Variants in ACTR1B observed in about 807,000 individuals in gnomAD.
ACTR1B encodes the protein actin related protein 1B.
A neutral mutation model predicts 49.4 loss-of-function variants in ACTR1B; 34 were observed. The observed-to-expected ratio is 0.69, with a 90% CI of 0.52 to 0.92. ACTR1B has a LOEUF of 0.92. Among genes scored for constraint, ACTR1B ranks in the 40% least tolerant of loss-of-function variants. The pLI, the probability that ACTR1B is intolerant of heterozygous loss-of-function variation, is 0.00. For missense variants in ACTR1B, 471 were observed against 522.4 expected (o/e 0.90, Z 0.96); for synonymous variants, 207 against 207.8 (o/e 1.00, Z 0.03).
rs760033478 is a variant in ACTR1B at position 97,658,067 on chromosome 2, A to G, written c.801T>C (p.Leu267=). 9 of 1,614,064 alleles carry G rather than the reference A, an allele frequency of 5.6e-6. No homozygotes were observed. Among genetic ancestry groups the G allele is most frequent in the Non-Finnish European group, 7.6e-6 (9 of 1,179,992 alleles). Residue 267 remains leucine, a synonymous_variant, in exon 8 of 11, where the codon CTT becomes CTC. Coordinates refer to ENST00000289228, the MANE Select transcript of ACTR1B (RefSeq NM_005735.4). This position sits in a 1 kb window ranked among gnomAD's most constrained non-coding sequence, Gnocchi z 5.9. The part of the protein sequence containing the change: ...RAPELLFQPD[L]VGDESEGLHE... ...GGAGCCCCTCACTCTCATCCCCGAC[A>G]AGGTCCGGCTGGAACAGCAGCTCGG...
Position 97,659,213 on chromosome 2 carries a change from C to A in ACTR1B, c.315+139G>T. ...GCCTAGCAGCCACTGGGTACGTATG[C>A]GCACCCAGACACACACGGAAAGGCA... On this transcript the variant is annotated intron_variant, in intron 4 of 10. Transcript: ENST00000289228. This position sits in a 1 kb window ranked among gnomAD's most constrained non-coding sequence, Gnocchi z 4.0. The A allele has an allele frequency of 7.0e-7, 1 of 1,437,650 alleles. No individual in the cohort carries two copies. Among genetic ancestry groups the A allele is most frequent in the South Asian group, 1.3e-5 (1 of 78,368 alleles). 89.1% of individuals were successfully genotyped at this position (1,437,650 alleles called of 1,614,324 possible).
At position 97,660,557 on chromosome 2, in the gene ACTR1B, C is replaced by T. The variant is rs1674984498; in HGVS notation, c.189+14G>A. 4 of 1,613,284 alleles carry T rather than the reference C, an allele frequency of 2.5e-6. No individual in the cohort carries two copies. The highest frequency in any genetic ancestry group is 1.7e-4 in the Middle Eastern group (1 of 6,058). Reference sequence around the variant, plus strand: ...GACCCCACCCCCAGGGAAAGGCAGGCTCCTCGGTGTTACCTCTGCTTTTGG... The same window carrying T: ...GACCCCACCCCCAGGGAAAGGCAGGTTCCTCGGTGTTACCTCTGCTTTTGG... On this transcript the variant is annotated intron_variant, in intron 3 of 10. Coordinates refer to ENST00000289228, the MANE Select transcript of ACTR1B (RefSeq NM_005735.4).
chr2:97,656,760 G>A lies in ACTR1B; in HGVS notation c.*98C>T, dbSNP rs904187455. 17 of 993,812 alleles carry A rather than the reference G, an allele frequency of 1.7e-5. No homozygotes were observed. The East Asian group carries it at 4.2e-4, about 24-fold the overall frequency. The allele number at this position is 993,812 out of a possible 1,614,324, so 61.6% of individuals were successfully genotyped here. A position where few individuals can be genotyped will look rare whatever the true frequency, so the allele number is the denominator to read the frequency against. ...CACCCAGGGGTTCAGGGCATGCAGG[G>A]GACCCTAAGCCTAGTATACGAGCCA... is the stretch of plus-strand genomic sequence containing the variant. On this transcript the variant is annotated 3_prime_UTR_variant, in exon 11 of 11. Coordinates refer to ENST00000289228, the MANE Select transcript of ACTR1B (RefSeq NM_005735.4).
Position 97,663,983 on chromosome 2 carries a change from A to C in ACTR1B, c.-93T>G. 1.3e-6 allele frequency: 1 copy of C among 791,410 alleles called. No homozygotes were observed. Among genetic ancestry groups the C allele is most frequent in the Non-Finnish European group, 1.7e-6 (1 of 591,842 alleles). 49.0% of individuals were successfully genotyped at this position (791,410 alleles called of 1,614,324 possible). A position where few individuals can be genotyped will look rare whatever the true frequency, so the allele number is the denominator to read the frequency against. ...AGGACCGGGACGGCGGCGGCTCCCG[A>C]CGCGGCGCCGCTGCCCTCCCTCCCC... On this transcript the variant is annotated 5_prime_UTR_variant, in exon 1 of 11. Coordinates refer to ENST00000289228, the MANE Select transcript of ACTR1B (RefSeq NM_005735.4).
rs184179735 is a variant in ACTR1B, at chr2:97,659,847, C to T, written c.190-370G>A. 10 of 323,894 alleles carry T rather than the reference C, an allele frequency of 3.1e-5. No individual in the cohort carries two copies. Among genetic ancestry groups the T allele is most frequent in the Middle Eastern group, 1.0e-3 (1 of 986 alleles). The allele number at this position is 323,894 out of a possible 1,614,324, so 20.1% of individuals were successfully genotyped here. ...GCCGGCACCTTGCAGCCGCCCAACACGGCCCCTCCTGGGCCACCTGTGCCC... is the reference window on the plus strand; with the variant it reads ...GCCGGCACCTTGCAGCCGCCCAACATGGCCCCTCCTGGGCCACCTGTGCCC... On this transcript the variant is annotated intron_variant, in intron 3 of 10. Transcript: ENST00000289228. This position sits in a 1 kb window ranked among gnomAD's most constrained non-coding sequence, Gnocchi z 4.0.
chr2:97,662,014 G>A (rs1472047346), intron 1 of ACTR1B, 68 bp from the exon 2 acceptor site: 37 of 1,505,300 alleles, frequency 2.5e-5, no homozygotes, highest in Non-Finnish European at 3.4e-5. Context: ...CCGCAATGGA[G>A]AGAGCTGGCT....
In ACTR1B at chr2:97,659,033, AGAG is replaced by A. The variant is rs1317317401; in HGVS notation, c.316-33_316-31del. The A allele has an allele frequency of 6.2e-7, 1 of 1,613,464 alleles. No homozygotes were observed. The highest frequency in any genetic ancestry group is 1.3e-5 in the African/African-American group (1 of 74,930). ...GAGGGACGGGACAGTTGTAGGCATCAGAGGAGGCAACTTGCAAGGCCCTAAAAG... is the reference window on the plus strand; with the variant it reads ...GAGGGACGGGACAGTTGTAGGCATCAGAGGCAACTTGCAAGGCCCTAAAAG... On this transcript the variant is annotated intron_variant, in intron 4 of 10. Transcript: ENST00000289228. The surrounding 1 kb of genome is among the most constrained non-coding windows in gnomAD (Gnocchi z 4.0).
Position 97,658,707 on chromosome 2 carries a change from G to T in ACTR1B, c.441-64C>A. ...GGCACGGGGACCTCCTCACCCAGGGGAGGAACCCTGGCACATCTGCATTAT... is the reference window on the plus strand; with the variant it reads ...GGCACGGGGACCTCCTCACCCAGGGTAGGAACCCTGGCACATCTGCATTAT... On this transcript the variant is annotated intron_variant, in intron 5 of 10. Coordinates refer to ENST00000289228, the MANE Select transcript of ACTR1B (RefSeq NM_005735.4). The surrounding 1 kb of genome is among the most constrained non-coding windows in gnomAD (Gnocchi z 5.9). 1 of 1,592,606 alleles carries T rather than the reference G, an allele frequency of 6.3e-7. No individual in the cohort carries two copies. The highest frequency in any genetic ancestry group is 8.6e-7 in the Non-Finnish European group (1 of 1,162,990).
Position 97,658,089 on chromosome 2 carries a change from T to G in ACTR1B, c.779A>C (p.Glu260Ala), listed in dbSNP as rs753284851. 5.0e-6 allele frequency: 8 copies of G among 1,613,888 alleles called. No individual in the cohort carries two copies. Among genetic ancestry groups the G allele is most frequent in the Non-Finnish European group, 6.8e-6 (8 of 1,180,010 alleles). ...DVGPARFRAP[E>A]LLFQPDLVGD... Reference sequence around the variant, plus strand: ...GACAAGGTCCGGCTGGAACAGCAGCTCGGGGGCCCGGAATCGTGCAGGCCC... The same window carrying G: ...GACAAGGTCCGGCTGGAACAGCAGCGCGGGGGCCCGGAATCGTGCAGGCCC... Residue 260 changes from glutamate (E) to alanine (A), a missense_variant, in exon 8 of 11, where the codon GAG (glutamate) becomes GCG (alanine). Transcript: ENST00000289228. The surrounding 1 kb of genome is among the most constrained non-coding windows in gnomAD (Gnocchi z 5.9).
chr2:97,662,061 C>A (rs1675024509), intron 1 of ACTR1B, 115 bp from the exon 2 acceptor site: 4 of 1,025,720 alleles, frequency 3.9e-6, no homozygotes, highest in Admixed American at 4.3e-5. Flanking sequence ...AGCCAGGGAC[C>A]CTGCCAGGAT....
chr2:97,657,901 C>G, intron 8 of ACTR1B, 42 bp downstream of exon 8: 1 of 1,602,368 alleles, frequency 6.2e-7, no homozygotes, highest in Non-Finnish European at 8.5e-7. Flanking sequence ...TCCAGCTGCC[C>G]TGGGCCTCGT....
intron 2 of ACTR1B, 107 bp from the exon 3 acceptor site, chr2:97,660,753 A>C: frequency 9.0e-7 from 1 of 1,110,328 alleles, no homozygotes; most frequent in Non-Finnish European, 1.4e-6. Context: ...CTGGCCTCCA[A>C]ACACCAGGAT....
chr2:97,659,498 G>A lies in ACTR1B; in HGVS notation c.190-21C>T. 6.2e-7 allele frequency: 1 copy of A among 1,612,042 alleles called. No individual in the cohort carries two copies. The highest frequency in any genetic ancestry group is 8.5e-7 in the Non-Finnish European group (1 of 1,179,810). On this transcript the variant is annotated intron_variant, in intron 3 of 10. Coordinates refer to ENST00000289228, the MANE Select transcript of ACTR1B (RefSeq NM_005735.4). The surrounding 1 kb of genome is among the most constrained non-coding windows in gnomAD (Gnocchi z 4.0). ...TGCTCCTGGTGGGGTGGGAAGGGAG[G>A]TGTGGCACCCGGCCCTTGCTCAGCG...
chr2:97,662,681 G>A (rs1675052072), intron 1 of ACTR1B, among the ~76,000 whole-genome samples: 1 of 152,168 alleles, frequency 6.6e-6, no homozygotes, highest in Admixed American at 6.5e-5. Context: ...ACTCTTCATC[G>A]CAACCCTCTG....
chr2:97,660,431 G>C, intron 3 of ACTR1B, 140 bp downstream of exon 3: 1 of 759,788 alleles, frequency 1.3e-6, no homozygotes, highest in South Asian at 1.6e-5. Context: ...ATCTCAGGGG[G>C]AGGTGCCCCT....
intron 1 of ACTR1B, 22 bp downstream of exon 1, chr2:97,663,820 TC>T (rs1449901907): frequency 1.2e-5 from 17 of 1,366,076 alleles, no homozygotes; most frequent in African/African-American, 3.1e-5. Flanking sequence ...GCGCCCGCCC[TC>T]CCCCTGGCTG....
Position 97,658,516 on chromosome 2 carries a change from C to T in ACTR1B, c.568G>A (p.Val190Ile), listed in dbSNP as rs756981148. ...IMRVDIAGRDVSRYLRLLLRK... is the reference protein window; with the variant it reads ...IMRVDIAGRDISRYLRLLLRK... Reference sequence around the variant, plus strand: ...AGCAGGAGTCGGAGGTAGCGGGAGACGTCGCGGCCGGCAATGTCCACCCGC... The same window carrying T: ...AGCAGGAGTCGGAGGTAGCGGGAGATGTCGCGGCCGGCAATGTCCACCCGC... Residue 190 changes from valine (V) to isoleucine (I), a missense_variant, in exon 6 of 11, where the codon GTC becomes ATC. Transcript: ENST00000289228. The surrounding 1 kb of genome is among the most constrained non-coding windows in gnomAD (Gnocchi z 5.9). The T allele has an allele frequency of 3.1e-5, 50 of 1,613,988 alleles. No homozygotes were observed. The highest frequency in any genetic ancestry group is 9.3e-5 in the African/African-American group (7 of 74,898).
intron 1 of ACTR1B, 110 bp from the exon 2 acceptor site, chr2:97,662,056 G>C: frequency 1.8e-6 from 2 of 1,091,272 alleles, no homozygotes; most frequent in Admixed American, 4.2e-5. Context: ...GAGGAAGCCA[G>C]GGACCCTGCC....
In ACTR1B at chr2:97,656,389, A is replaced by T; in HGVS notation, c.*469T>A. ...TCTACCCAGGAAGATAGGAGGACAG[A>T]GTGTGAAAGGGGCTGTGTCACCCTG... On this transcript the variant is annotated 3_prime_UTR_variant, in exon 11 of 11. Coordinates refer to ENST00000289228, the MANE Select transcript of ACTR1B (RefSeq NM_005735.4). 1 of 201,734 alleles carries T rather than the reference A, an allele frequency of 5.0e-6. No individual in the cohort carries two copies. 12.5% of individuals were successfully genotyped at this position (201,734 alleles called of 1,614,324 possible).
Sources: gnomAD v4.1 joint callset for allele counts (sites outside exome capture counted in the v4.1 genomes callset) on GRCh38, gnomAD v4.1.1 for gene constraint, Gnocchi (gnomAD v3.1) non-coding constraint, MANE v1.5 for transcripts, NCBI Gene and HGNC (gene_info 2026-07-23, HGNC 2026-07-21) for gene names.